Variants in ROBO2 observed in about 807,000 individuals in gnomAD.
ROBO2 encodes the protein roundabout homolog 2.
ROBO2 carries 53 observed loss-of-function variants against 160.8 expected under a neutral mutation model. That is an observed-to-expected ratio of 0.33 (90% CI 0.26 to 0.41). ROBO2 has a LOEUF of 0.41. Ranked by LOEUF, ROBO2 falls within the 10% of genes least tolerant of loss-of-function variation. The probability of loss-of-function intolerance (pLI) is 1.00; values close to 1 mark genes in which losing one functional copy is unlikely to be tolerated. For synonymous variants in ROBO2, 664 were observed against 611.7 expected (o/e 1.09, Z -1.26); for missense variants, 1,577 against 1,722.4 (o/e 0.92, Z 1.49).
intron 2 of ROBO2, among the ~76,000 whole-genome samples, chr3:76,670,783 TATTA>T (rs563388610): frequency 1.3e-3 from 196 of 151,936 alleles, no homozygotes; most frequent in African/African-American, 4.0e-3. Context: ...CTTATAAATT[TATTA>T]ATTAATATCA....
chr3:77,099,232 T>A lies in ROBO2; in HGVS notation c.388+892T>A, dbSNP rs577666533. On this transcript the variant is annotated intron_variant, in intron 2 of 25. Transcript: ENST00000461745. The stretch of plus-strand genomic sequence containing the variant: ...GATTACAGACACCAGGCCCAGCTAA[T>A]TTTTGTATTTTTAGTAGAGACGGGG... 2.0e-5 allele frequency among the ~76,000 whole-genome samples: 3 copies of A among 152,024 alleles called. No homozygotes were observed. The East Asian group carries it at 5.8e-4, about 30-fold the overall frequency.
chr3:76,575,444 A>T (rs2085227426), intron 2 of ROBO2, among the ~76,000 whole-genome samples: 1 of 152,082 alleles, frequency 6.6e-6, no homozygotes, highest in African/African-American at 2.4e-5. Flanking sequence ...ATTTCATGGT[A>T]CCCTATAATC....
At chr3:77,116,347 G>A (rs946223100) in intron 2 of ROBO2, among the ~76,000 whole-genome samples, 2 of 152,162 alleles carry the variant, frequency 1.3e-5, no homozygotes, top group African/African-American at 2.4e-5. Context: ...GGCTTGTCAT[G>A]TAACTGTTCA....
At chr3:76,184,924 G>T (rs1235717935) in intron 2 of ROBO2, among the ~76,000 whole-genome samples, 1 of 151,864 alleles carries the variant, frequency 6.6e-6, no homozygotes, top group Non-Finnish European at 1.5e-5. Context: ...ATCCCCTGCA[G>T]ATTGGATAGT....
intron 8 of ROBO2, among the ~76,000 whole-genome samples, chr3:77,554,547 A>C (rs1486902500): frequency 1.3e-5 from 2 of 152,012 alleles, no homozygotes; most frequent in African/African-American, 4.8e-5. Context: ...AAGAACATTT[A>C]TGATTTATGG....
At chr3:77,514,509 A>T (rs1189712460) in intron 5 of ROBO2, among the ~76,000 whole-genome samples, 1 of 151,834 alleles carries the variant, frequency 6.6e-6, no homozygotes, top group Non-Finnish European at 1.5e-5. Context: ...GCTGTTTGTT[A>T]GAAAAATAAA....
At chr3:77,588,638 AAAC>A in intron 16 of ROBO2, 110 bp from the exon 18 acceptor site, 11 of 1,004,504 alleles carry the variant, frequency 1.1e-5, no homozygotes, top group Non-Finnish European at 1.7e-5. Flanking sequence ...GCTCAAAACT[AAAC>A]AAGCATTTCC....
At chr3:77,272,828 T>G (rs2059586205) in intron 2 of ROBO2, among the ~76,000 whole-genome samples, 2 of 152,128 alleles carry the variant, frequency 1.3e-5, no homozygotes, top group Non-Finnish European at 2.9e-5. Flanking sequence ...GGTTGTAGTC[T>G]CATCTTTTAG....
chr3:77,469,322 C>T (rs996438770), intron 2 of ROBO2, among the ~76,000 whole-genome samples: 6 of 152,104 alleles, frequency 3.9e-5, no homozygotes, highest in Admixed American at 1.3e-4. Context: ...TCCTGAGGAT[C>T]GGTCTCCCCC....
rs149759622 is a variant in ROBO2, at chr3:77,080,794, G to T, written c.62-17220G>T. 9.9e-5 allele frequency among the ~76,000 whole-genome samples: 15 copies of T among 152,180 alleles called. No individual in the cohort carries two copies. The East Asian group carries it at 2.9e-3, about 29-fold the overall frequency. ...GCAGAAAGCTTGAAAACATTTGCTC[G>T]TGTGTTTCTCTTCATAAATATATAG... On this transcript the variant is annotated intron_variant, in intron 1 of 25. Transcript: ENST00000461745.
chr3:77,138,601 A>G (rs1156948080), intron 2 of ROBO2, among the ~76,000 whole-genome samples: 1 of 152,242 alleles, frequency 6.6e-6, no homozygotes, highest in African/African-American at 2.4e-5. Flanking sequence ...AAGGATTCAC[A>G]TATGTCTTAA....
At chr3:76,840,375 C>T (rs920971839) in intron 2 of ROBO2, among the ~76,000 whole-genome samples, 8 of 151,088 alleles carry the variant, frequency 5.3e-5, no homozygotes, top group Admixed American at 6.6e-5. Context: ...TTTGGGAGGC[C>T]GAGGCAGGCG....
intron 2 of ROBO2, among the ~76,000 whole-genome samples, chr3:77,296,425 C>T (rs923055685): frequency 1.3e-5 from 2 of 152,064 alleles, no homozygotes; most frequent in African/African-American, 4.8e-5. Context: ...ACGGCTAAAC[C>T]GTCAAACTGA....
chr3:76,869,567 T>A (rs1294590591), intron 2 of ROBO2, among the ~76,000 whole-genome samples: 3 of 151,904 alleles, frequency 2.0e-5, no homozygotes, highest in African/African-American at 7.2e-5. Context: ...GCCAGGATGG[T>A]CTCGATCTCC....
intron 2 of ROBO2, among the ~76,000 whole-genome samples, chr3:76,734,001 A>G (rs1033944613): frequency 7.4e-4 from 113 of 152,294 alleles, no homozygotes; most frequent in African/African-American, 2.6e-3. Context: ...GTAGGAGACC[A>G]CAGAGGGCAT....
At chr3:77,203,356 T>C (rs1480290801) in intron 2 of ROBO2, among the ~76,000 whole-genome samples, 1 of 152,218 alleles carries the variant, frequency 6.6e-6, no homozygotes, top group African/African-American at 2.4e-5. Context: ...GGTGGGGTAC[T>C]GTTACGGCAT....
intron 5 of ROBO2, among the ~76,000 whole-genome samples, chr3:77,516,627 T>C (rs78399993): frequency 0.016 from 2,383 of 151,724 alleles, 72 homozygotes; most frequent in African/African-American, 0.055. Context: ...AATGATAATA[T>C]GTAAACCATA....
At chr3:76,880,056 A>C (rs1388484661) in intron 2 of ROBO2, among the ~76,000 whole-genome samples, 1 of 152,172 alleles carries the variant, frequency 6.6e-6, no homozygotes, top group Admixed American at 6.5e-5. Context: ...ATGGTCATAC[A>C]TAATTCATGA....
chr3:76,698,518 C>T (rs1260161999), intron 2 of ROBO2, among the ~76,000 whole-genome samples: 7 of 152,142 alleles, frequency 4.6e-5, no homozygotes, highest in East Asian at 3.9e-4. Flanking sequence ...GAGATATGCA[C>T]GTTCAGCTCT....
Sources: allele counts gnomAD v4.1 joint callset (sites outside exome capture counted in the v4.1 genomes callset), GRCh38; gene constraint gnomAD v4.1.1; transcripts MANE v1.5; gene names NCBI Gene and HGNC (gene_info 2026-07-23, HGNC 2026-07-21).